SYNJ2BP: variants seen among roughly 807,000 people sequenced by gnomAD.
The protein encoded by SYNJ2BP is synaptojanin-2-binding protein.
Under a neutral mutation model 16.9 loss-of-function variants are expected in SYNJ2BP, and 10 were observed. The observed-to-expected ratio is 0.59, with a 90% CI of 0.36 to 1.00. The LOEUF is 1.00. Ranked by LOEUF, SYNJ2BP falls within the 50% of genes least tolerant of loss-of-function variation. SYNJ2BP has a pLI of 0.01. For missense variants in SYNJ2BP, 162 were observed against 186.7 expected, an observed-to-expected ratio of 0.87 and a Z score of 0.77; for synonymous variants, 54 against 68.4, an observed-to-expected ratio of 0.79 and a Z score of 1.04.
At chr14:70,414,512 G>A (rs973815488) in intron 1 of SYNJ2BP, among the ~76,000 whole-genome samples, 1 of 152,162 alleles carries the variant, frequency 6.6e-6, no homozygotes, top group African/African-American at 2.4e-5. Flanking sequence ...TGCCAAAAAA[G>A]ATGAAGTGAT....
At chr14:70,380,588 G>A (rs1887726772) in intron 2 of SYNJ2BP, among the ~76,000 whole-genome samples, 1 of 151,812 alleles carries the variant, frequency 6.6e-6, no homozygotes, top group African/African-American at 2.4e-5. Context: ...CTTGAACACA[G>A]GAGGCAGAGG....
intron 2 of SYNJ2BP, among the ~76,000 whole-genome samples, chr14:70,376,544 G>T (rs1402856177): frequency 1.3e-5 from 2 of 152,308 alleles, no homozygotes; most frequent in East Asian, 3.9e-4. Flanking sequence ...CCCACTTAGT[G>T]CAAGATTACA....
At chr14:70,390,977 T>C (rs1269037999) in intron 1 of SYNJ2BP, among the ~76,000 whole-genome samples, 1 of 151,860 alleles carries the variant, frequency 6.6e-6, no homozygotes, top group Non-Finnish European at 1.5e-5. Context: ...CTACCAAAAA[T>C]ACAAAAAATT....
chr14:70,366,578 A>G lies in SYNJ2BP; in HGVS notation c.*6413T>C, dbSNP rs367886059. ...GACACATTATTATCTCATTTGCTGT[A>G]TCTGGTATCAAACAACAAAGCCTGA... On this transcript the variant is annotated 3_prime_UTR_variant, in exon 4 of 4. Transcript: ENST00000256366. 6.6e-5 allele frequency: 10 copies of G among 152,358 alleles called. No homozygotes were observed. The East Asian group carries it at 1.2e-3, about 18-fold the overall frequency. The allele number at this position is 152,358 out of a possible 1,614,324, so 9.4% of individuals were successfully genotyped here.
intron 1 of SYNJ2BP, among the ~76,000 whole-genome samples, chr14:70,396,591 T>TGTGTATGTAG (rs1452996463): frequency 6.6e-6 from 1 of 151,220 alleles, no homozygotes; most frequent in Non-Finnish European, 1.5e-5. Flanking sequence ...TATGTATGTA[T>TGTGTATGTAG]GTGTGTATAT....
chr14:70,414,286 T>G (rs1007785770), intron 1 of SYNJ2BP, among the ~76,000 whole-genome samples: 3 of 152,222 alleles, frequency 2.0e-5, no homozygotes, highest in Non-Finnish European at 4.4e-5. Flanking sequence ...TTCACTGACT[T>G]ATATAATTAA....
chr14:70,416,883 A>G lies in SYNJ2BP; in HGVS notation c.64+17T>C, dbSNP rs1888623636. 3.7e-6 allele frequency: 6 copies of G among 1,612,926 alleles called. No individual in the cohort carries two copies. Among genetic ancestry groups the G allele is most frequent in the Non-Finnish European group, 5.1e-6 (6 of 1,179,760 alleles). Reference sequence around the variant, plus strand: ...CTCTAATCCCCTACTGTCAGATATGACCCTTTCCGCACATACCTGAGGGCC... The same window carrying G: ...CTCTAATCCCCTACTGTCAGATATGGCCCTTTCCGCACATACCTGAGGGCC... On this transcript the variant is annotated intron_variant, in intron 1 of 3. Coordinates refer to ENST00000256366, the MANE Select transcript of SYNJ2BP (RefSeq NM_018373.3).
At chr14:70,407,636 C>G (rs191063422) in intron 1 of SYNJ2BP, among the ~76,000 whole-genome samples, 7 of 151,658 alleles carry the variant, frequency 4.6e-5, no homozygotes, top group Admixed American at 2.6e-4. Flanking sequence ...TAAGTATATC[C>G]CCAAGATAAA....
chr14:70,367,993 CT>C lies in SYNJ2BP; in HGVS notation c.*4997del, dbSNP rs1887431809. 2.6e-5 allele frequency: 4 copies of C among 152,270 alleles called. No individual in the cohort carries two copies. The East Asian group carries it at 7.7e-4, about 29-fold the overall frequency. The allele number at this position is 152,270 out of a possible 1,614,324, so 9.4% of individuals were successfully genotyped here. A position where few individuals can be genotyped will look rare whatever the true frequency, so the allele number is the denominator to read the frequency against. ...TTCATCTGACCAACGATAAATTTCACTAAAATTGACTATAATAAAATCTGTA... is the reference window on the plus strand; with the variant it reads ...TTCATCTGACCAACGATAAATTTCACAAAATTGACTATAATAAAATCTGTA... On this transcript the variant is annotated 3_prime_UTR_variant, in exon 4 of 4. Transcript: ENST00000256366.
chr14:70,388,175 T>A (rs1887901396), intron 2 of SYNJ2BP, among the ~76,000 whole-genome samples: 1 of 152,194 alleles, frequency 6.6e-6, no homozygotes, highest in African/African-American at 2.4e-5. Context: ...ACAAAATTTG[T>A]GGATTTTAAA....
At chr14:70,381,819 A>G (rs11626228) in intron 2 of SYNJ2BP, among the ~76,000 whole-genome samples, 49,027 of 152,184 alleles carry the variant, frequency 0.32, 10,127 homozygotes, top group Non-Finnish European at 0.43. Flanking sequence ...CCACTCCCAG[A>G]CTACTTCCCC....
chr14:70,397,321 CT>C (rs1888122683), intron 1 of SYNJ2BP, among the ~76,000 whole-genome samples: 2 of 152,128 alleles, frequency 1.3e-5, no homozygotes, highest in Admixed American at 1.3e-4. Context: ...TTCAAATCCT[CT>C]CTTTCCTTAT....
At position 70,371,749 on chromosome 14, in the gene SYNJ2BP, T is replaced by G. The variant is rs1013439330; in HGVS notation, c.*1242A>C. The G allele has an allele frequency of 6.6e-6, 1 of 152,346 alleles. No homozygotes were observed. The highest frequency in any genetic ancestry group is 2.1e-4 in the South Asian group (1 of 4,824). 9.4% of individuals were successfully genotyped at this position (152,346 alleles called of 1,614,324 possible). A position where few individuals can be genotyped will look rare whatever the true frequency, so the allele number is the denominator to read the frequency against. On this transcript the variant is annotated 3_prime_UTR_variant, in exon 4 of 4. Transcript: ENST00000256366. ...AACTAAATCTGAAGCCAGAGTTGAT[T>G]TGATGCCCATCCTGCCAGGGAGGCA...
chr14:70,380,856 T>C (rs1887734031), intron 2 of SYNJ2BP, among the ~76,000 whole-genome samples: 1 of 152,178 alleles, frequency 6.6e-6, no homozygotes, highest in Non-Finnish European at 1.5e-5. Flanking sequence ...TAACTCTGAA[T>C]ACTATGCAAC....
intron 3 of SYNJ2BP, among the ~76,000 whole-genome samples, chr14:70,373,872 G>A (rs1453886577): frequency 6.6e-6 from 1 of 152,188 alleles, no homozygotes; most frequent in South Asian, 2.1e-4. Flanking sequence ...ACTTTTAGTG[G>A]CTAACTTGCA....
chr14:70,416,809 C>T, intron 1 of SYNJ2BP, 91 bp downstream of exon 1: 1 of 1,596,668 alleles, frequency 6.3e-7, no homozygotes, highest in Non-Finnish European at 8.6e-7. Context: ...CTGCCCGCCC[C>T]GAGGCCAGGT....
intron 1 of SYNJ2BP, among the ~76,000 whole-genome samples, chr14:70,400,797 A>G (rs1182812731): frequency 6.6e-6 from 1 of 152,202 alleles, no homozygotes; most frequent in African/African-American, 2.4e-5. Flanking sequence ...AGCAATTCTT[A>G]ATTTTGATGA....
At position 70,413,454 on chromosome 14, in the gene SYNJ2BP, C is replaced by T. The variant is rs560973946; in HGVS notation, c.64+3446G>A. 1.9e-3 allele frequency among the ~76,000 whole-genome samples: 288 copies of T among 152,280 alleles called. 1 individual carries two copies. The highest frequency in any genetic ancestry group is 3.2e-3 in the Non-Finnish European group (217 of 68,028). On this transcript the variant is annotated intron_variant, in intron 1 of 3. Coordinates refer to ENST00000256366, the MANE Select transcript of SYNJ2BP (RefSeq NM_018373.3). ...AGGAGTTTAAGACCAGCCTGGTCAA[C>T]GTGGTGAAACCCTGTCTCTACTAAA...
intron 1 of SYNJ2BP, among the ~76,000 whole-genome samples, chr14:70,403,318 A>G (rs908454087): frequency 1.3e-5 from 2 of 152,244 alleles, no homozygotes; most frequent in African/African-American, 4.8e-5. Context: ...ACCAAAATAC[A>G]TGAAAACATT....
Sources: allele counts gnomAD v4.1 joint callset (sites outside exome capture counted in the v4.1 genomes callset), GRCh38; gene constraint gnomAD v4.1.1; transcripts MANE v1.5; gene names NCBI Gene and HGNC (gene_info 2026-07-23, HGNC 2026-07-21).